The following RAP1GAP2 variants were observed in gnomAD, a reference collection of about 807,000 sequenced individuals.
RAP1GAP2 encodes rap1 GTPase-activating protein 2.
In RAP1GAP2, 27 loss-of-function variants were observed where a neutral mutation model predicts 95.0. The observed-to-expected ratio is 0.28, with a 90% CI of 0.21 to 0.39. RAP1GAP2 has a LOEUF of 0.39. Ranked by LOEUF, RAP1GAP2 falls within the 10% of genes least tolerant of loss-of-function variation. RAP1GAP2 has a pLI of 1.00. For synonymous variants in RAP1GAP2, 373 were observed against 380.9 expected, an observed-to-expected ratio of 0.98 and a Z score of 0.24; for missense variants, 771 against 970.0, an observed-to-expected ratio of 0.79 and a Z score of 2.72.
intron 1 of RAP1GAP2, among the ~76,000 whole-genome samples, chr17:2,758,182 T>G (rs796161325): frequency 1.4e-5 from 1 of 70,584 alleles, no homozygotes; most frequent in Non-Finnish European, 2.7e-5. Context: ...CCCCCCCCCC[T>G]TTTTTTTTTT....
chr17:2,990,001 T>G (rs1464090761), intron 11 of RAP1GAP2, among the ~76,000 whole-genome samples: 1 of 152,204 alleles, frequency 6.6e-6, no homozygotes, highest in African/African-American at 2.4e-5. Context: ...ATGTGGCCTT[T>G]TGTGTCTGGT....
At chr17:3,026,602 G>A (rs1050747295) in intron 21 of RAP1GAP2, 138 bp downstream of exon 21, 28 of 817,514 alleles carry the variant, frequency 3.4e-5, no homozygotes, top group Admixed American at 3.1e-4. Flanking sequence ...ACGAGAGGTG[G>A]GCTCGTTGGC....
In RAP1GAP2 at chr17:2,905,370, T is replaced by C; in HGVS notation, c.165+2T>C. On this transcript the variant is annotated splice_donor_variant, in intron 3 of 24. Transcript: ENST00000254695. LOFTEE classifies it high-confidence loss of function. ...CTCACGGCACCTCCCACCATGAAGGTAAGAGGCTTCGATTCAGGAAGGCAG... is the reference window on the plus strand; with the variant it reads ...CTCACGGCACCTCCCACCATGAAGGCAAGAGGCTTCGATTCAGGAAGGCAG... 1 of 1,612,642 alleles carries C rather than the reference T, an allele frequency of 6.2e-7. No individual in the cohort carries two copies. The highest frequency in any genetic ancestry group is 8.5e-7 in the Non-Finnish European group (1 of 1,179,138).
At chr17:2,779,627 A>G (rs2068590476) in intron 1 of RAP1GAP2, among the ~76,000 whole-genome samples, 1 of 146,146 alleles carries the variant, frequency 6.8e-6, no homozygotes, top group South Asian at 2.3e-4. Context: ...AGGAGGACAC[A>G]GAGGCCAGCA....
chr17:2,998,385 A>T lies in RAP1GAP2; in HGVS notation c.1200+9A>T, dbSNP rs371406212. The stretch of plus-strand genomic sequence containing the variant: ...AGACCCCATCCTACAAGGTAAGGAG[A>T]ACGCCTTGTTGGAGGGAGTGGTGGG... On this transcript the variant is annotated intron_variant, in intron 14 of 24. Coordinates refer to ENST00000254695, the MANE Select transcript of RAP1GAP2 (RefSeq NM_015085.5). 3 of 1,613,114 alleles carry T rather than the reference A, an allele frequency of 1.9e-6. No homozygotes were observed. Among genetic ancestry groups the T allele is most frequent in the Non-Finnish European group, 2.5e-6 (3 of 1,179,322 alleles).
chr17:2,918,861 A>G (rs2042660214), intron 3 of RAP1GAP2, among the ~76,000 whole-genome samples: 1 of 152,210 alleles, frequency 6.6e-6, no homozygotes, highest in South Asian at 2.1e-4. Context: ...AGTGAAGATT[A>G]ATTGAGATAA....
intron 13 of RAP1GAP2, among the ~76,000 whole-genome samples, chr17:2,997,599 C>T (rs147817359): frequency 4.3e-4 from 65 of 152,238 alleles, no homozygotes; most frequent in African/African-American, 1.1e-3. Context: ...ACGACTTGGC[C>T]ATCTTCCCCA....
Position 2,995,405 on chromosome 17 carries a change from A to T in RAP1GAP2, c.983A>T (p.Asp328Val), listed in dbSNP as rs1389656726. Residue 328 changes from aspartate (D) to valine (V), a missense_variant, in exon 13 of 25, where the codon GAC (aspartate) becomes GTC (valine). By Grantham distance (152) the Asp-to-Val change is radical. Transcript: ENST00000254695. Reference protein sequence around the residue: ...GVESVYTTFRDREIMFHVSTK... With the variant: ...GVESVYTTFRVREIMFHVSTK... ...GAATCAGTGTACACAACATTCCGGGACAGGGAGATCATGTTTCACGTTTCC... is the reference window on the plus strand; with the variant it reads ...GAATCAGTGTACACAACATTCCGGGTCAGGGAGATCATGTTTCACGTTTCC... 6.2e-7 allele frequency: 1 copy of T among 1,613,840 alleles called. No homozygotes were observed. Among genetic ancestry groups the T allele is most frequent in the Non-Finnish European group, 8.5e-7 (1 of 1,179,864 alleles).
In RAP1GAP2 at chr17:2,820,891, G is replaced by GTTTTTTTTTTTTTTTTTTTTTTTT. The variant is rs1475267891; in HGVS notation, c.80+20341_80+20342insTTTTTTTTTTTTTTTTTTTTTTTT. ...TGCCCGCCACCACGGCCCGGATAAT[G>GTTTTTTTTTTTTTTTTTTTTTTTT]GTTTTTTTTTTTTTTTTTGTATTTT... On this transcript the variant is annotated intron_variant, in intron 2 of 24. Transcript: ENST00000254695. 3.0e-4 allele frequency among the ~76,000 whole-genome samples: 34 copies of GTTTTTTTTTTTTTTTTTTTTTTTT among 113,996 alleles called. 3 individuals are homozygous for GTTTTTTTTTTTTTTTTTTTTTTTT. Among genetic ancestry groups the GTTTTTTTTTTTTTTTTTTTTTTTT allele is most frequent in the Admixed American group, 7.1e-4 (7 of 9,796 alleles). 74.8% of individuals were successfully genotyped at this position (113,996 alleles called of 152,430 possible).
At chr17:2,954,268 C>A (rs762022444) in intron 3 of RAP1GAP2, among the ~76,000 whole-genome samples, 3 of 151,950 alleles carry the variant, frequency 2.0e-5, no homozygotes, top group Non-Finnish European at 4.4e-5. Context: ...CCATGCCCAG[C>A]TAATTTTTTG....
At chr17:2,964,672 C>G (rs1383800688) in intron 7 of RAP1GAP2, 1 of 153,612 alleles carries the variant, frequency 6.5e-6, no homozygotes, top group Admixed American at 6.5e-5. Flanking sequence ...AATGTGTTCT[C>G]ACACCTCAAG....
intron 2 of RAP1GAP2, among the ~76,000 whole-genome samples, chr17:2,845,026 C>T (rs75144227): frequency 7.9e-5 from 12 of 152,190 alleles, no homozygotes; most frequent in Admixed American, 3.3e-4. Context: ...TCAGTGTCCC[C>T]GCCTCATCTG....
intron 1 of RAP1GAP2, among the ~76,000 whole-genome samples, chr17:2,756,326 C>T (rs1003272030): frequency 7.9e-5 from 12 of 152,250 alleles, no homozygotes; most frequent in African/African-American, 1.2e-4. Flanking sequence ...GAGGGGTCCC[C>T]GTGTAGCGGG....
rs753386734 is a variant in RAP1GAP2, at chr17:3,037,364, ACCCC to A, written c.*4013_*4016del. 208 of 29,756 alleles carry A rather than the reference ACCCC, an allele frequency of 7.0e-3. 55 individuals are homozygous for A. The highest frequency in any genetic ancestry group is 0.015 in the Non-Finnish European group (152 of 10,174). 1.8% of individuals were successfully genotyped at this position (29,756 alleles called of 1,614,324 possible). ...ACATTTCTGCTTGGAAGTGTGAACT[ACCCC>A]CCCCCCCCCGCTTCCTGCTCCTTAG... is the stretch of plus-strand genomic sequence containing the variant. On this transcript the variant is annotated 3_prime_UTR_variant, in exon 25 of 25. Transcript: ENST00000254695.
chr17:2,912,095 C>T (rs1011771282), intron 3 of RAP1GAP2, among the ~76,000 whole-genome samples: 1 of 152,238 alleles, frequency 6.6e-6, no homozygotes, highest in Non-Finnish European at 1.5e-5. Context: ...CTCCTTGGCA[C>T]GTGGCTCTCC....
chr17:2,823,754 C>A (rs2070411040), intron 2 of RAP1GAP2, among the ~76,000 whole-genome samples: 1 of 152,146 alleles, frequency 6.6e-6, no homozygotes, highest in Non-Finnish European at 1.5e-5. Context: ...AGCAATAAGG[C>A]AGCGGGAAAG....
chr17:2,854,267 T>C (rs1281612282), intron 2 of RAP1GAP2, among the ~76,000 whole-genome samples: 6 of 152,180 alleles, frequency 3.9e-5, no homozygotes, highest in Non-Finnish European at 7.4e-5. Flanking sequence ...CCCCGGACCC[T>C]GGCTGGTGCG....
At chr17:2,832,298 C>CAT in intron 2 of RAP1GAP2, among the ~76,000 whole-genome samples, 1 of 151,724 alleles carries the variant, frequency 6.6e-6, no homozygotes, top group East Asian at 1.9e-4. Flanking sequence ...GTGGCTCATG[C>CAT]CTGTAATCCC....
chr17:2,932,703 C>A (rs1482520501), intron 3 of RAP1GAP2, among the ~76,000 whole-genome samples: 2 of 150,278 alleles, frequency 1.3e-5, no homozygotes, highest in Non-Finnish European at 3.0e-5. Context: ...GTAATCCCAG[C>A]TACTCAGGAG....
Sources: allele counts gnomAD v4.1 joint callset (sites outside exome capture counted in the v4.1 genomes callset), GRCh38; gene constraint gnomAD v4.1.1; transcripts MANE v1.5; gene names NCBI Gene and HGNC (gene_info 2026-07-23, HGNC 2026-07-21).